CITED2: variants seen among roughly 807,000 people sequenced by gnomAD.
The protein encoded by CITED2 is Cbp/p300 interacting transactivator with ED-rich tail 2.
Under a neutral mutation model 11.8 loss-of-function variants are expected in CITED2, and 2 were observed. That is an observed-to-expected ratio of 0.17 (90% CI 0.07 to 0.54). The LOEUF (loss-of-function observed/expected upper bound fraction) is 0.54, where lower values mean the gene tolerates loss of function less well. Ranked by LOEUF, CITED2 falls within the 20% of genes least tolerant of loss-of-function variation. The probability of loss-of-function intolerance (pLI) is 0.94; values close to 1 mark genes in which losing one functional copy is unlikely to be tolerated. For missense variants in CITED2, 437 were observed against 390.2 expected (o/e 1.12, Z -1.01); for synonymous variants, 210 against 153.0 (o/e 1.37, Z -2.75).
chr6:139,374,158 CA>C lies in CITED2; in HGVS notation c.-8-207del, dbSNP rs1379337779. 5.5e-6 allele frequency: 8 copies of C among 1,461,466 alleles called. No homozygotes were observed. In the African/African-American group the frequency reaches 1.1e-4, roughly 20 times the overall value. 90.5% of individuals were successfully genotyped at this position (1,461,466 alleles called of 1,614,324 possible). ...ACTCATAACACAGCCGGACGCTGCA[CA>C]AACAGCCCCTTCCCCTGCGATCGGG... On this transcript the variant is annotated intron_variant, in intron 1 of 1. Transcript: ENST00000367651.
rs1778264578 is a variant in CITED2 at position 139,372,511 on chromosome 6, G to A, written c.*621C>T. On this transcript the variant is annotated 3_prime_UTR_variant, in exon 2 of 2. Transcript: ENST00000367651. ...CCTATTATCATCTGTACATATGGGG[G>A]TGGGGGGGGCGGCGGGGGGGACAGC... 6.3e-6 allele frequency: 1 copy of A among 157,672 alleles called. No homozygotes were observed. The highest frequency in any genetic ancestry group is 2.5e-5 in the African/African-American group (1 of 40,604). 9.8% of individuals were successfully genotyped at this position (157,672 alleles called of 1,614,324 possible).
chr6:139,373,676 G>C lies in CITED2; in HGVS notation c.269C>G (p.Ala90Gly). 1 of 1,611,898 alleles carries C rather than the reference G, an allele frequency of 6.2e-7. No homozygotes were observed. The highest frequency in any genetic ancestry group is 8.5e-7 in the Non-Finnish European group (1 of 1,179,656). The change falls in exon 2 of 2, where the codon GCG becomes GGG. Residue 90 changes from alanine (A) to glycine (G), a missense_variant. Ala to Gly is a moderately conservative substitution (Grantham distance 60). Around this residue, in one of 3 missense-constraint regions of CITED2, gnomAD observed 396 missense variants for 325.2 expected, o/e 1.22. Transcript: ENST00000367651. ...GAACTGGGAGTTGTTAAACCTGGCC[G>C]CGGGGGCCAGCGCGCTCGGGGGGTG... is the stretch of plus-strand genomic sequence containing the variant. Reference protein sequence around the residue: ...GGHPPSALAPAARFNNSQFMG... With the variant: ...GGHPPSALAPGARFNNSQFMG...
Position 139,373,914 on chromosome 6 carries a change from C to T in CITED2, c.31G>A (p.Gly11Arg). The change falls in exon 2 of 2, where the codon GGG (glycine) becomes AGG (arginine). Residue 11 changes from glycine to arginine, a missense_variant. By Grantham distance (125) the Gly-to-Arg change is moderately radical (BLOSUM62 -2). This residue lies in a region of CITED2 where 396 missense variants were observed against 325.2 expected (regional missense o/e 1.22). Coordinates refer to ENST00000367651, the MANE Select transcript of CITED2 (RefSeq NM_006079.5). ...CCATTGGTGCCGTCGGGGAAGCGCC[C>T]GTGGTTCATGGCCATCATATGGTCT... is the stretch of plus-strand genomic sequence containing the variant. MADHMMAMNH[G>R]RFPDGTNGLH... The T allele has an allele frequency of 1.9e-6, 3 of 1,599,606 alleles. No individual in the cohort carries two copies. Among genetic ancestry groups the T allele is most frequent in the African/African-American group, 2.7e-5 (2 of 75,006 alleles).
Position 139,372,991 on chromosome 6 carries a change from AAGTTTAT to A in CITED2, c.*134_*140del. 1.1e-6 allele frequency: 1 copy of A among 909,858 alleles called. No homozygotes were observed. 56.4% of individuals were successfully genotyped at this position (909,858 alleles called of 1,614,324 possible). On this transcript the variant is annotated 3_prime_UTR_variant, in exon 2 of 2. Coordinates refer to ENST00000367651, the MANE Select transcript of CITED2 (RefSeq NM_006079.5). ...AATTTTTTTTAAAACCAATTTGTAC[AAGTTTAT>A]AGTTTACTTTGTTTCCAAGTTCTCA...
At position 139,373,113 on chromosome 6, in the gene CITED2, C is replaced by A. The variant is rs1398780602; in HGVS notation, c.*19G>T. On this transcript the variant is annotated 3_prime_UTR_variant, in exon 2 of 2. Transcript: ENST00000367651. ...AAGAAGTTGGGGGTTTGATTTCTTT[C>A]GCCGGGGTTTCGATCGAGTCAACAG... is the stretch of plus-strand genomic sequence containing the variant. 3.7e-6 allele frequency: 6 copies of A among 1,608,456 alleles called. No individual in the cohort carries two copies. Among genetic ancestry groups the A allele is most frequent in the Non-Finnish European group, 5.1e-6 (6 of 1,174,930 alleles).
chr6:139,374,500 C>G lies in CITED2; in HGVS notation c.-96G>C, dbSNP rs1458979907. On this transcript the variant is annotated 5_prime_UTR_variant, in exon 1 of 2. Transcript: ENST00000367651. ...TCAGCAGCACATAGAGGGGACCTTC[C>G]TGGCGTGCAAAGCGCTTCGCTGTCG... 4.0e-6 allele frequency: 1 copy of G among 250,368 alleles called. No individual in the cohort carries two copies. The highest frequency in any genetic ancestry group is 7.1e-5 in the East Asian group (1 of 13,994). 15.5% of individuals were successfully genotyped at this position (250,368 alleles called of 1,614,324 possible).
rs1411326185 is a variant in CITED2 at position 139,374,585 on chromosome 6, T to TA, written c.-182dup. The TA allele has an allele frequency of 5.8e-6, 1 of 171,898 alleles. No homozygotes were observed. The highest frequency in any genetic ancestry group is 2.4e-5 in the African/African-American group (1 of 42,182). 10.6% of individuals were successfully genotyped at this position (171,898 alleles called of 1,614,324 possible). A position where few individuals can be genotyped will look rare whatever the true frequency, so the allele number is the denominator to read the frequency against. On this transcript the variant is annotated 5_prime_UTR_variant, in exon 1 of 2. Coordinates refer to ENST00000367651, the MANE Select transcript of CITED2 (RefSeq NM_006079.5). ...GGGCAGATTCGGAGCCGTTCCCTTTTATTTCCCCTCCGTTGCCCTCACAGC... is the reference window on the plus strand; with the variant it reads ...GGGCAGATTCGGAGCCGTTCCCTTTTAATTTCCCCTCCGTTGCCCTCACAGC...
chr6:139,374,017 A>ACT, intron 1 of CITED2, 65 bp from the exon 2 acceptor site: 1 of 1,538,210 alleles, frequency 6.5e-7, no homozygotes, highest in African/African-American at 1.4e-5. Flanking sequence ...AGCGCACCCC[A>ACT]CTTTTGCTCG....
At position 139,372,182 on chromosome 6, in the gene CITED2, T is replaced by A. The variant is rs111635696; in HGVS notation, c.*950A>T. ...TTGGAATGCTTACTCTCATCAATAG[T>A]GTTCAACTCAAAGACGGGGGGAAAA... is the stretch of plus-strand genomic sequence containing the variant. On this transcript the variant is annotated 3_prime_UTR_variant, in exon 2 of 2. Coordinates refer to ENST00000367651, the MANE Select transcript of CITED2 (RefSeq NM_006079.5). 6.6e-6 allele frequency: 1 copy of A among 152,240 alleles called. No individual in the cohort carries two copies. The highest frequency in any genetic ancestry group is 2.4e-5 in the African/African-American group (1 of 41,424). The allele number at this position is 152,240 out of a possible 1,614,324, so 9.4% of individuals were successfully genotyped here.
In CITED2 at chr6:139,374,155, G is replaced by A. The variant is rs568169247; in HGVS notation, c.-8-203C>T. 3.8e-5 allele frequency: 56 copies of A among 1,463,960 alleles called. No individual in the cohort carries two copies. The South Asian group carries it at 7.2e-4, about 19-fold the overall frequency. The allele number at this position is 1,463,960 out of a possible 1,614,324, so 90.7% of individuals were successfully genotyped here. A position where few individuals can be genotyped will look rare whatever the true frequency, so the allele number is the denominator to read the frequency against. ...ACCACTCATAACACAGCCGGACGCTGCACAAACAGCCCCTTCCCCTGCGAT... is the reference window on the plus strand; with the variant it reads ...ACCACTCATAACACAGCCGGACGCTACACAAACAGCCCCTTCCCCTGCGAT... On this transcript the variant is annotated intron_variant, in intron 1 of 1. Transcript: ENST00000367651.
chr6:139,373,350 CGCTGCCGCTGCCGCCGCCGCTGTTGCT>C lies in CITED2; in HGVS notation c.568_594del (p.Ser190_Ser198del). On this transcript the variant is annotated inframe_deletion, in exon 2 of 2. Transcript: ENST00000367651. ...TGGGCCACGGAGGCGGGCATGTTGC[CGCTGCCGCTGCCGCCGCCGCTGTTGCT>C]GCTGCCCGCGCCGCCGCCCGAGCTG... 1 of 1,591,132 alleles carries C rather than the reference CGCTGCCGCTGCCGCCGCCGCTGTTGCT, an allele frequency of 6.3e-7. No individual in the cohort carries two copies.
At position 139,373,260 on chromosome 6, in the gene CITED2, T is replaced by G; in HGVS notation, c.685A>C (p.Met229Leu). 1 of 1,614,106 alleles carries G rather than the reference T, an allele frequency of 6.2e-7. No individual in the cohort carries two copies. Among genetic ancestry groups the G allele is most frequent in the Non-Finnish European group, 8.5e-7 (1 of 1,180,018 alleles). ...AAACCCATTTCTATCACCAAGGACA[T>G]AAGAACTTCCTCGTCGATGAAATCA... ...DTDFIDEEVLMSLVIEMGLDR... is the reference protein window; with the variant it reads ...DTDFIDEEVLLSLVIEMGLDR... Residue 229 changes from methionine (M) to leucine (L), a missense_variant, in exon 2 of 2, where the codon ATG becomes CTG. Physicochemically the swap from Met to Leu is conservative, Grantham distance 15. Transcript: ENST00000367651.
Position 139,373,022 on chromosome 6 carries a change from C to CA in CITED2, c.*109dup. 1.7e-6 allele frequency: 2 copies of CA among 1,154,264 alleles called. No individual in the cohort carries two copies. 71.5% of individuals were successfully genotyped at this position (1,154,264 alleles called of 1,614,324 possible). The stretch of plus-strand genomic sequence containing the variant: ...ATAGTTTACTTTGTTTCCAAGTTCT[C>CA]AAACCTTTCAAGATCTGAAAAGTGA... On this transcript the variant is annotated 3_prime_UTR_variant, in exon 2 of 2. Coordinates refer to ENST00000367651, the MANE Select transcript of CITED2 (RefSeq NM_006079.5).
rs1426523710 is a variant in CITED2, at chr6:139,372,428, T to G, written c.*704A>C. On this transcript the variant is annotated 3_prime_UTR_variant, in exon 2 of 2. Coordinates refer to ENST00000367651, the MANE Select transcript of CITED2 (RefSeq NM_006079.5). ...ACTATTAGCACAGTGTCAAAAATGT[T>G]GAAGACAGAAACAAAATAAAAATCT... 7.1e-6 allele frequency: 1 copy of G among 140,522 alleles called. No homozygotes were observed. Among genetic ancestry groups the G allele is most frequent in the Non-Finnish European group, 1.5e-5 (1 of 66,644 alleles). 8.7% of individuals were successfully genotyped at this position (140,522 alleles called of 1,614,324 possible).
At position 139,373,168 on chromosome 6, in the gene CITED2, G is replaced by T. The variant is rs763411808; in HGVS notation, c.777C>A (p.Phe259Leu). 3.1e-6 allele frequency: 5 copies of T among 1,614,196 alleles called. No homozygotes were observed. Among genetic ancestry groups the T allele is most frequent in the East Asian group, 2.2e-5 (1 of 44,888 alleles). The change falls in exon 2 of 2, where the codon TTC becomes TTA. Residue 259 changes from phenylalanine (F) to leucine (L), a missense_variant. Coordinates refer to ENST00000367651, the MANE Select transcript of CITED2 (RefSeq NM_006079.5). ...CTCTGCTGGGCTGCTGTTTGCACAC[G>T]AAGTCCGTCATAAAATCAAACTCGT... Reference protein sequence around the residue: ...GQNEFDFMTDFVCKQQPSRVS... With the variant: ...GQNEFDFMTDLVCKQQPSRVS...
At chr6:139,374,219 C>T in intron 1 of CITED2, 194 bp downstream of exon 1, 1 of 1,430,626 alleles carries the variant, frequency 7.0e-7, no homozygotes, top group Non-Finnish European at 9.1e-7. Context: ...CTTTGCTCCC[C>T]GAAGTGGCCT....
In CITED2 at chr6:139,374,430, T is replaced by C; in HGVS notation, c.-26A>G. On this transcript the variant is annotated 5_prime_UTR_variant, in exon 1 of 2. Transcript: ENST00000367651. The stretch of plus-strand genomic sequence containing the variant: ...GCGCTTACCTTCCGTTTTTGCGATT[T>C]CTGCTCCGAAGACCGAGGGCGGGCT... 2.4e-6 allele frequency: 1 copy of C among 408,734 alleles called. No homozygotes were observed. The highest frequency in any genetic ancestry group is 4.4e-6 in the Non-Finnish European group (1 of 227,918). 25.3% of individuals were successfully genotyped at this position (408,734 alleles called of 1,614,324 possible). A position where few individuals can be genotyped will look rare whatever the true frequency, so the allele number is the denominator to read the frequency against.
At chr6:139,374,215 T>TC (rs1778329795) in intron 1 of CITED2, 198 bp downstream of exon 1, 2 of 1,431,570 alleles carry the variant, frequency 1.4e-6, no homozygotes, top group Non-Finnish European at 9.1e-7. Context: ...CCCCCTTTGC[T>TC]CCCCGAAGTG....
Position 139,373,513 on chromosome 6 carries a change from G to A in CITED2, c.432C>T (p.His144=), listed in dbSNP as rs752475850. 1.9e-6 allele frequency: 3 copies of A among 1,613,530 alleles called. No individual in the cohort carries two copies. The highest frequency in any genetic ancestry group is 1.3e-5 in the African/African-American group (1 of 74,922). Residue 144 remains histidine, a synonymous_variant, in exon 2 of 2, where the codon CAC becomes CAT. Coordinates refer to ENST00000367651, the MANE Select transcript of CITED2 (RefSeq NM_006079.5). ...YMPDLHPAAG[H]QMNGTNQHFR... Reference sequence around the variant, plus strand: ...AGTGCTGGTTTGTCCCGTTCATCTGGTGGCCTGCAGCAGGGTGCAAATCCG... The same window carrying A: ...AGTGCTGGTTTGTCCCGTTCATCTGATGGCCTGCAGCAGGGTGCAAATCCG...
Sources: gnomAD v4.1 joint callset for allele counts on GRCh38, gnomAD v4.1.1 for gene constraint, gnomAD v4.1.1 regional missense constraint, MANE v1.5 for transcripts, NCBI Gene and HGNC (gene_info 2026-07-23, HGNC 2026-07-21) for gene names.